NEK1: variants seen among roughly 807,000 people sequenced by gnomAD.
NEK1 encodes serine/threonine-protein kinase Nek1.
A neutral mutation model predicts 182.1 loss-of-function variants in NEK1; 137 were observed. The observed-to-expected ratio is 0.75, with a 90% CI of 0.65 to 0.87. The LOEUF is 0.87. Ranked by LOEUF, NEK1 falls within the 40% of genes least tolerant of loss-of-function variation. The pLI, the probability that NEK1 is intolerant of heterozygous loss-of-function variation, is 0.00. For missense variants in NEK1, 1,391 were observed against 1,494.4 expected (o/e 0.93, Z 1.14); for synonymous variants, 513 against 492.2 (o/e 1.04, Z -0.56).
intron 18 of NEK1, among the ~76,000 whole-genome samples, chr4:169,540,562 AG>A (rs1759239779): frequency 6.6e-6 from 1 of 152,158 alleles, no homozygotes; most frequent in African/African-American, 2.4e-5. Flanking sequence ...ACTTCTTGAT[AG>A]TAATTTTCTT....
intron 23 of NEK1, among the ~76,000 whole-genome samples, chr4:169,497,724 T>A (rs1434521118): frequency 2.0e-5 from 3 of 152,198 alleles, no homozygotes; most frequent in African/African-American, 2.4e-5. Flanking sequence ...TTTGAGTGAG[T>A]GTCTTAATCC....
intron 12 of NEK1, among the ~76,000 whole-genome samples, chr4:169,574,163 GAAAAGAAAAGA>G (rs1765313691): frequency 6.6e-6 from 1 of 151,920 alleles, no homozygotes; most frequent in Non-Finnish European, 1.5e-5. Flanking sequence ...TTCTCAAAAA[GAAAAGAAAAGA>G]GAAAGAAAGA....
intron 10 of NEK1, among the ~76,000 whole-genome samples, chr4:169,582,905 C>T (rs1033838301): frequency 6.6e-6 from 1 of 152,102 alleles, no homozygotes; most frequent in Non-Finnish European, 1.5e-5. Flanking sequence ...GAGCATTCCA[C>T]TGGACAGCCC....
At chr4:169,554,433 C>CAAAAAA (rs770743801) in intron 18 of NEK1, 2 of 81,842 alleles carry the variant, frequency 2.4e-5, no homozygotes, top group Non-Finnish European at 5.3e-5. Context: ...AAAAAATTAC[C>CAAAAAA]AAAAAAAAAA....
intron 27 of NEK1, among the ~76,000 whole-genome samples, chr4:169,439,597 A>G (rs1328242031): frequency 2.0e-5 from 3 of 152,208 alleles, no homozygotes; most frequent in Non-Finnish European, 4.4e-5. Flanking sequence ...AGGATACCAT[A>G]TCGCATTATT....
At position 169,513,372 on chromosome 4, in the gene NEK1, T is replaced by G. The variant is rs145632070; in HGVS notation, c.1666-4520A>C. ...TGGCATTACATTTTTTGTATCAGTT[T>G]CCACTTGCTGTCAATATATATAAAT... On this transcript the variant is annotated intron_variant, in intron 19 of 35. Coordinates refer to ENST00000507142, the MANE Select transcript of NEK1 (RefSeq NM_001199397.3). Among the ~76,000 whole-genome samples, 449 of 134,020 alleles carry G rather than the reference T, an allele frequency of 3.4e-3. 1 individual carries two copies. The highest frequency in any genetic ancestry group is 0.015 in the African/African-American group (418 of 27,416). The allele number at this position is 134,020 out of a possible 152,430, so 87.9% of individuals were successfully genotyped here.
intron 29 of NEK1, among the ~76,000 whole-genome samples, chr4:169,431,701 G>T (rs137926009): frequency 1.8e-3 from 277 of 151,984 alleles, no homozygotes; most frequent in African/African-American, 6.6e-3. Context: ...GGCCAAGGCG[G>T]GAGGATTGTT....
At chr4:169,578,485 TA>T (rs1311344172) in intron 11 of NEK1, among the ~76,000 whole-genome samples, 1 of 152,168 alleles carries the variant, frequency 6.6e-6, no homozygotes, top group Non-Finnish European at 1.5e-5. Context: ...ATTTAACTGG[TA>T]GTTCAAAATG....
intron 18 of NEK1, among the ~76,000 whole-genome samples, chr4:169,544,390 C>T (rs753173091): frequency 2.0e-4 from 31 of 152,114 alleles, no homozygotes; most frequent in South Asian, 6.2e-4. Context: ...TGAGGATTTT[C>T]GCAACAATGT....
At chr4:169,601,859 G>T (rs1377584839) in intron 4 of NEK1, 149 bp downstream of exon 4, 7 of 584,062 alleles carry the variant, frequency 1.2e-5, no homozygotes, top group Admixed American at 9.3e-5. Context: ...AAAAATGCAG[G>T]CATGATATCA....
intron 23 of NEK1, among the ~76,000 whole-genome samples, chr4:169,499,115 T>G (rs1424551596): frequency 6.6e-6 from 1 of 152,184 alleles, no homozygotes; most frequent in Non-Finnish European, 1.5e-5. Flanking sequence ...TTTTTATTCT[T>G]TTTTCTCTAA....
At chr4:169,597,477 T>G (rs535825815) in intron 5 of NEK1, among the ~76,000 whole-genome samples, 1 of 152,098 alleles carries the variant, frequency 6.6e-6, no homozygotes, top group East Asian at 1.9e-4. Flanking sequence ...TAAAATAAAT[T>G]TTTAAAAAAT....
intron 35 of NEK1, among the ~76,000 whole-genome samples, chr4:169,395,326 C>A (rs950009919): frequency 2.0e-5 from 3 of 152,190 alleles, no homozygotes; most frequent in Non-Finnish European, 4.4e-5. Context: ...CCTTCATGAT[C>A]TGGCCTTTTA....
intron 26 of NEK1, among the ~76,000 whole-genome samples, chr4:169,469,845 T>C (rs1745597356): frequency 6.6e-6 from 1 of 152,170 alleles, no homozygotes; most frequent in African/African-American, 2.4e-5. Context: ...GAGCTTCTCG[T>C]TGCATTGATC....
At chr4:169,455,866 T>G (rs1444753566) in intron 27 of NEK1, among the ~76,000 whole-genome samples, 1 of 152,210 alleles carries the variant, frequency 6.6e-6, no homozygotes, top group Non-Finnish European at 1.5e-5. Context: ...CAAATGGACC[T>G]AATCGATATC....
Position 169,400,520 on chromosome 4 carries a change from C to A in NEK1, c.3714+1G>T. ...AGTGTTTTAATTGACTTTTCACTTA[C>A]CTTTATTTTCTCATAAACCTCAAAG... is the stretch of plus-strand genomic sequence containing the variant. On this transcript the variant is annotated splice_donor_variant, in intron 34 of 35. Coordinates refer to ENST00000507142, the MANE Select transcript of NEK1 (RefSeq NM_001199397.3). LOFTEE classifies it high-confidence loss of function. 1 of 1,596,388 alleles carries A rather than the reference C, an allele frequency of 6.3e-7. No individual in the cohort carries two copies. Among genetic ancestry groups the A allele is most frequent in the East Asian group, 2.2e-5 (1 of 44,616 alleles).
At chr4:169,506,990 T>C (rs751732296) in intron 23 of NEK1, 47 bp downstream of exon 23, 19 of 1,332,068 alleles carry the variant, frequency 1.4e-5, no homozygotes, top group South Asian at 1.2e-4. Flanking sequence ...GGAAGAGCTA[T>C]AAAAATGTTA....
chr4:169,455,512 G>T (rs1203973859), intron 27 of NEK1, among the ~76,000 whole-genome samples: 1 of 151,998 alleles, frequency 6.6e-6, no homozygotes, highest in African/African-American at 2.4e-5. Flanking sequence ...ACTATAAAAA[G>T]ATACAAATAA....
chr4:169,609,092 A>G (rs1223058262), intron 2 of NEK1, among the ~76,000 whole-genome samples: 2 of 151,876 alleles, frequency 1.3e-5, no homozygotes, highest in African/African-American at 4.8e-5. Context: ...GAAGAAATAC[A>G]ATTTTAAAAT....
Sources: gnomAD v4.1 joint callset for allele counts (sites outside exome capture counted in the v4.1 genomes callset) on GRCh38, gnomAD v4.1.1 for gene constraint, MANE v1.5 for transcripts, NCBI Gene and HGNC (gene_info 2026-07-23, HGNC 2026-07-21) for gene names.